The following UNC13B variants were observed in gnomAD, a reference collection of about 807,000 sequenced individuals.
The protein encoded by UNC13B is unc-13 homolog B.
A neutral mutation model predicts 211.0 loss-of-function variants in UNC13B; 144 were observed. The ratio of observed to expected loss-of-function variants is 0.68; its 90% confidence interval spans 0.60 to 0.78. The LOEUF (loss-of-function observed/expected upper bound fraction) is 0.78. Among genes scored for constraint, UNC13B ranks in the 30% least tolerant of loss-of-function variants. The pLI, the probability that UNC13B is intolerant of heterozygous loss-of-function variation, is 0.00. For synonymous variants in UNC13B, 709 were observed against 725.8 expected (o/e 0.98, Z 0.37); for missense variants, 1,777 against 2,002.0 (o/e 0.89, Z 2.14).
At chr9:35,257,987 T>C (rs1827033584) in intron 6 of UNC13B, among the ~76,000 whole-genome samples, 1 of 152,218 alleles carries the variant, frequency 6.6e-6, no homozygotes, top group African/African-American at 2.4e-5. Flanking sequence ...CCTAAAGGGC[T>C]TCTAAGTACA....
At chr9:35,201,294 C>A (rs1274993957) in intron 1 of UNC13B, among the ~76,000 whole-genome samples, 1 of 152,088 alleles carries the variant, frequency 6.6e-6, no homozygotes, top group South Asian at 2.1e-4. Flanking sequence ...GTCTAAAATT[C>A]TCTGTTTTTG....
At chr9:35,389,281 C>G (rs577314434) in intron 24 of UNC13B, among the ~76,000 whole-genome samples, 53 of 152,246 alleles carry the variant, frequency 3.5e-4, no homozygotes, top group African/African-American at 1.2e-3. Flanking sequence ...AGATAGCTTC[C>G]TAGATGCAGT....
At chr9:35,280,880 A>G (rs2131724986) in intron 7 of UNC13B, among the ~76,000 whole-genome samples, 2 of 152,350 alleles carry the variant, frequency 1.3e-5, no homozygotes. Flanking sequence ...AGATTAATGT[A>G]TCAAAGTTTC....
At chr9:35,239,530 A>G (rs1221181987) in intron 5 of UNC13B, among the ~76,000 whole-genome samples, 1 of 152,220 alleles carries the variant, frequency 6.6e-6, no homozygotes, top group Non-Finnish European at 1.5e-5. Context: ...AGTTTCGGGC[A>G]TGCATTGTCA....
Position 35,286,409 on chromosome 9 carries a change from T to G in UNC13B, c.527-9287T>G, listed in dbSNP as rs368712176. 7.6e-4 allele frequency among the ~76,000 whole-genome samples: 115 copies of G among 152,028 alleles called. 1 individual carries two copies. The South Asian group carries it at 0.019, about 25-fold the overall frequency. On this transcript the variant is annotated intron_variant, in intron 7 of 39. Transcript: ENST00000635942. ...CACCATGCTTGGCTAATTTTTGTAT[T>G]TTTAGTAGAGAAGAGGTTTCACTAT...
At chr9:35,291,209 C>T in intron 7 of UNC13B, 2 of 1,040,224 alleles carry the variant, frequency 1.9e-6, no homozygotes, top group South Asian at 1.5e-5. Flanking sequence ...CTTCCATTTC[C>T]CTCTCCTCTC....
chr9:35,252,505 C>T (rs1388817267), intron 6 of UNC13B, among the ~76,000 whole-genome samples: 1 of 151,042 alleles, frequency 6.6e-6, no homozygotes, highest in Non-Finnish European at 1.5e-5. Context: ...CAGGGTTTCA[C>T]CTTGTTGCCC....
chr9:35,392,393 G>A (rs1478915227), intron 26 of UNC13B, among the ~76,000 whole-genome samples: 1 of 152,114 alleles, frequency 6.6e-6, no homozygotes, highest in Non-Finnish European at 1.5e-5. Flanking sequence ...AGGGTGCTGG[G>A]ATTAGAGAAG....
At chr9:35,311,809 G>A (rs538409451) in intron 10 of UNC13B, among the ~76,000 whole-genome samples, 1 of 152,214 alleles carries the variant, frequency 6.6e-6, no homozygotes, top group East Asian at 1.9e-4. Context: ...GCCTAGCAAT[G>A]TGTCTGCCAA....
intron 7 of UNC13B, among the ~76,000 whole-genome samples, chr9:35,289,206 C>T (rs894479206): frequency 1.3e-5 from 2 of 152,102 alleles, no homozygotes; most frequent in African/African-American, 4.8e-5. Context: ...TTAGTAGTCC[C>T]GTATGCCCAG....
At chr9:35,290,807 G>A (rs1011307748) in intron 7 of UNC13B, among the ~76,000 whole-genome samples, 1 of 151,964 alleles carries the variant, frequency 6.6e-6, no homozygotes, top group Non-Finnish European at 1.5e-5. Context: ...GTAATTTTTT[G>A]TTGTTGTTGT....
At chr9:35,328,662 TCCTCCCTC>T (rs1213629371) in intron 11 of UNC13B, among the ~76,000 whole-genome samples, 78 of 88,164 alleles carry the variant, frequency 8.8e-4, no homozygotes, top group African/African-American at 4.5e-3. Flanking sequence ...CTTCCTTCCT[TCCTCCCTC>T]CCTTCCTTCC....
chr9:35,345,690 G>A (rs771339124), intron 11 of UNC13B, among the ~76,000 whole-genome samples: 1 of 152,300 alleles, frequency 6.6e-6, no homozygotes, highest in South Asian at 2.1e-4. Flanking sequence ...GGGTGTGATT[G>A]TATTTGTTGT....
chr9:35,255,993 G>T (rs1335922162), intron 6 of UNC13B, among the ~76,000 whole-genome samples: 1 of 152,132 alleles, frequency 6.6e-6, no homozygotes, highest in Non-Finnish European at 1.5e-5. Flanking sequence ...ACAGCTTAAT[G>T]GTTAGAAGCA....
chr9:35,214,915 T>C (rs1824173662), intron 1 of UNC13B, among the ~76,000 whole-genome samples: 1 of 152,196 alleles, frequency 6.6e-6, no homozygotes, highest in South Asian at 2.1e-4. Context: ...GAAAGGGATT[T>C]TTCTTTCTCC....
chr9:35,172,950 C>T (rs530958841), intron 1 of UNC13B, among the ~76,000 whole-genome samples: 2 of 152,222 alleles, frequency 1.3e-5, no homozygotes, highest in South Asian at 4.2e-4. Context: ...CTGCTTGGTT[C>T]TCTCTTTTGC....
At chr9:35,310,027 A>G (rs1474760729) in intron 9 of UNC13B, among the ~76,000 whole-genome samples, 4 of 152,234 alleles carry the variant, frequency 2.6e-5, no homozygotes, top group African/African-American at 9.6e-5. Flanking sequence ...GATGACCTCA[A>G]TGTAATAAGT....
At chr9:35,275,485 C>T (rs1828122424) in intron 7 of UNC13B, among the ~76,000 whole-genome samples, 1 of 152,128 alleles carries the variant, frequency 6.6e-6, no homozygotes, top group African/African-American at 2.4e-5. Context: ...TCATCGTTAG[C>T]ATTTTCTTGT....
At chr9:35,367,085 A>T in intron 12 of UNC13B, 92 bp downstream of exon 12, 2 of 1,269,730 alleles carry the variant, frequency 1.6e-6, no homozygotes, top group Non-Finnish European at 2.3e-6. Flanking sequence ...AACCAGCTTC[A>T]TAAGCTGCAT....
Sources: allele counts gnomAD v4.1 joint callset (sites outside exome capture counted in the v4.1 genomes callset), GRCh38; gene constraint gnomAD v4.1.1; transcripts MANE v1.5; gene names NCBI Gene and HGNC (gene_info 2026-07-23, HGNC 2026-07-21).